The following GRINA variants were observed in gnomAD, a reference collection of about 807,000 sequenced individuals.
The protein encoded by GRINA is protein lifeguard 1.
Under a neutral mutation model 42.5 loss-of-function variants are expected in GRINA, and 26 were observed. That is an observed-to-expected ratio of 0.61 (90% confidence interval 0.45 to 0.85). The LOEUF (loss-of-function observed/expected upper bound fraction) is 0.85, where lower values mean the gene tolerates loss of function less well. Ranked by LOEUF, GRINA falls within the 40% of genes least tolerant of loss-of-function variation. The probability of loss-of-function intolerance (pLI) is 0.00; values close to 1 mark genes in which losing one functional copy is unlikely to be tolerated. For missense variants in GRINA, 475 were observed against 481.5 expected (o/e 0.99, Z 0.13); for synonymous variants, 256 against 204.2 (o/e 1.25, Z -2.17).
Position 143,991,695 on chromosome 8 carries a change from C to T in GRINA, c.383C>T (p.Pro128Leu), listed in dbSNP as rs1189893259. 2.5e-6 allele frequency: 4 copies of T among 1,611,406 alleles called. No individual in the cohort carries two copies. The highest frequency in any genetic ancestry group is 3.4e-6 in the Non-Finnish European group (4 of 1,177,850). Reference sequence around the variant, plus strand: ...ACCCAGCCTGTCTGCTTCTCAGCACCCCAGCATGGAAACTACCAGGAGGAG... The same window carrying T: ...ACCCAGCCTGTCTGCTTCTCAGCACTCCAGCATGGAAACTACCAGGAGGAG... Reference protein sequence around the residue: ...QVFPGQDPDSPQHGNYQEEGP... With the variant: ...QVFPGQDPDSLQHGNYQEEGP... The change falls in exon 3 of 7, where the codon CCC becomes CTC. Residue 128 changes from proline to leucine, a missense_variant. By Grantham distance (98) the Pro-to-Leu change is moderately conservative (BLOSUM62 -3). This residue lies in a region of GRINA where 321 missense variants were observed against 267.2 expected (regional missense o/e 1.20). Transcript: ENST00000395068.
chr8:143,991,217 C>G lies in GRINA; in HGVS notation c.-7C>G. ...TTCTCTAGGGGCGGACCGCGGAACC[C>G]GAGGCCATGTCCCATGAAAAGAGTT... On this transcript the variant is annotated 5_prime_UTR_variant, in exon 2 of 7. Coordinates refer to ENST00000395068, the MANE Select transcript of GRINA (RefSeq NM_001009184.2). 1 of 1,566,746 alleles carries G rather than the reference C, an allele frequency of 6.4e-7. No individual in the cohort carries two copies. Among genetic ancestry groups the G allele is most frequent in the South Asian group, 1.2e-5 (1 of 85,484 alleles).
chr8:143,992,367 C>T lies in GRINA; in HGVS notation c.816C>T (p.Ser272=). The part of the protein sequence containing the change: ...TAVCFTVVIF[S]MQTRYDFTSC... Reference sequence around the variant, plus strand: ...TCTGCTTCACCGTCGTCATCTTCTCCATGCAGGTGAGGGGCCTCCCGTGGC... The same window carrying T: ...TCTGCTTCACCGTCGTCATCTTCTCTATGCAGGTGAGGGGCCTCCCGTGGC... The change falls in exon 5 of 7, where the codon TCC becomes TCT. Residue 272 remains serine (S), a synonymous_variant. Coordinates refer to ENST00000395068, the MANE Select transcript of GRINA (RefSeq NM_001009184.2). 6.2e-7 allele frequency: 1 copy of T among 1,602,328 alleles called. No homozygotes were observed.
chr8:143,992,485 A>G lies in GRINA; in HGVS notation c.843A>G (p.Ser281=). ...TGCAGACCCGCTACGACTTCACCTC[A>G]TGCATGGGCGTGCTCCTGGTGAGCA... ...FSMQTRYDFT[S]CMGVLLVSMV... Residue 281 remains serine, a synonymous_variant, in exon 6 of 7, where the codon TCA becomes TCG. Transcript: ENST00000395068. 3.7e-6 allele frequency: 6 copies of G among 1,614,040 alleles called. No homozygotes were observed. The highest frequency in any genetic ancestry group is 5.1e-6 in the Non-Finnish European group (6 of 1,179,984).
At position 143,990,609 on chromosome 8, in the gene GRINA, A is replaced by C. The variant is rs1587466141; in HGVS notation, c.-25+410A>C. The stretch of plus-strand genomic sequence containing the variant: ...CACCCCGCTGTTCCCGGCGTACCCC[A>C]CTGGCAGGCACCGGCAGCCGATCCA... On this transcript the variant is annotated intron_variant, in intron 1 of 6. Transcript: ENST00000395068. The surrounding 1 kb of genome is among the most constrained non-coding windows in gnomAD (Gnocchi z 5.6). 1 of 141,532 alleles carries C rather than the reference A, an allele frequency of 7.1e-6. No individual in the cohort carries two copies. The highest frequency in any genetic ancestry group is 1.5e-5 in the Non-Finnish European group (1 of 65,064). The allele number at this position is 141,532 out of a possible 1,614,324, so 8.8% of individuals were successfully genotyped here. A position where few individuals can be genotyped will look rare whatever the true frequency, so the allele number is the denominator to read the frequency against.
Position 143,991,707 on chromosome 8 carries a change from A to T in GRINA, c.395A>T (p.Asn132Ile). The T allele has an allele frequency of 6.2e-7, 1 of 1,613,124 alleles. No homozygotes were observed. The highest frequency in any genetic ancestry group is 8.5e-7 in the Non-Finnish European group (1 of 1,179,238). ...GQDPDSPQHG[N>I]YQEEGPPSYY... ...TGCTTCTCAGCACCCCAGCATGGAA[A>T]CTACCAGGAGGAGGGTCCCCCATCC... Residue 132 changes from asparagine (N) to isoleucine (I), a missense_variant, in exon 3 of 7, where the codon AAC becomes ATC. Around this residue, in one of 2 missense-constraint regions of GRINA, gnomAD observed 321 missense variants for 267.2 expected, o/e 1.20. Transcript: ENST00000395068.
chr8:143,990,240 T>C lies in GRINA; in HGVS notation c.-25+41T>C, dbSNP rs1306290199. On this transcript the variant is annotated intron_variant, in intron 1 of 6. Coordinates refer to ENST00000395068, the MANE Select transcript of GRINA (RefSeq NM_001009184.2). The surrounding 1 kb of genome is among the most constrained non-coding windows in gnomAD (Gnocchi z 5.6). ...GAGCCCAGGAGCGCCTCTGACCCGC[T>C]GCGCCGCGCGGCCTGCCGCCCCCGC... 2 of 148,628 alleles carry C rather than the reference T, an allele frequency of 1.3e-5. No homozygotes were observed. Among genetic ancestry groups the C allele is most frequent in the African/African-American group, 2.5e-5 (1 of 40,758 alleles). 9.2% of individuals were successfully genotyped at this position (148,628 alleles called of 1,614,324 possible). A position where few individuals can be genotyped will look rare whatever the true frequency, so the allele number is the denominator to read the frequency against.
chr8:143,991,963 T>G lies in GRINA; in HGVS notation c.578T>G (p.Val193Gly), dbSNP rs782287409. 1 of 1,613,786 alleles carries G rather than the reference T, an allele frequency of 6.2e-7. No individual in the cohort carries two copies. Among genetic ancestry groups the G allele is most frequent in the South Asian group, 1.1e-5 (1 of 91,082 alleles). ...FTFVAEVKGF[V>G]RENVWTYYVS... ...TTTGTTGCGGAGGTGAAGGGCTTTG[T>G]CCGGGAGAATGTCTGGACCTACTAT... Residue 193 changes from valine to glycine, a missense_variant, in exon 4 of 7, where the codon GTC (valine) becomes GGC (glycine). Physicochemically the swap from Val to Gly is moderately radical, Grantham distance 109 (BLOSUM62 -3). Transcript: ENST00000395068.
chr8:143,992,634 G>A (rs782164474), intron 6 of GRINA, 26 bp downstream of exon 6: 2 of 1,614,078 alleles, frequency 1.2e-6, no homozygotes, highest in Non-Finnish European at 8.5e-7. Flanking sequence ...CCTTGGCCGG[G>A]GGCGGGATGC....
At position 143,991,412 on chromosome 8, in the gene GRINA, C is replaced by G. The variant is rs7814596; in HGVS notation, c.189C>G (p.Pro63=). ...GQPGYPHGPS[P]YPQGGYPQGP... is the part of the protein sequence containing the mutation. ...CAGGGTACCCCCATGGCCCCAGCCC[C>G]TACCCCCAAGGGGGCTACCCACAGG... Residue 63 remains proline (P), a synonymous_variant, in exon 2 of 7, where the codon CCC becomes CCG. Coordinates refer to ENST00000395068, the MANE Select transcript of GRINA (RefSeq NM_001009184.2). The G allele has an allele frequency of 1.5e-6, 2 of 1,309,898 alleles. No individual in the cohort carries two copies. The highest frequency in any genetic ancestry group is 1.5e-5 in the African/African-American group (1 of 67,114). The allele number at this position is 1,309,898 out of a possible 1,614,324, so 81.1% of individuals were successfully genotyped here. A position where few individuals can be genotyped will look rare whatever the true frequency, so the allele number is the denominator to read the frequency against.
At position 143,992,019 on chromosome 8, in the gene GRINA, A is replaced by G; in HGVS notation, c.634A>G (p.Ile212Val). Reference sequence around the variant, plus strand: ...CTATGCTGTCTTCTTCATCTCTCTCATCGTCCTCAGCTGTTGTGGGGACTT... The same window carrying G: ...CTATGCTGTCTTCTTCATCTCTCTCGTCGTCCTCAGCTGTTGTGGGGACTT... ...VSYAVFFISL[I>V]VLSCCGDFRR... Residue 212 changes from isoleucine (I) to valine (V), a missense_variant, in exon 4 of 7, where the codon ATC (isoleucine) becomes GTC (valine). This residue lies in a region of GRINA where 321 missense variants were observed against 267.2 expected (regional missense o/e 1.20). Transcript: ENST00000395068. 6.2e-7 allele frequency: 1 copy of G among 1,613,700 alleles called. No individual in the cohort carries two copies. The highest frequency in any genetic ancestry group is 1.3e-5 in the African/African-American group (1 of 74,950).
chr8:143,992,219 G>A (rs868994176), intron 4 of GRINA, 26 bp from the exon 5 acceptor site: 2 of 1,603,624 alleles, frequency 1.2e-6, no homozygotes, highest in Middle Eastern at 3.3e-4. Flanking sequence ...ACACACCCAA[G>A]GTCAGCCTGT....
chr8:143,991,193 T>C lies in GRINA; in HGVS notation c.-24-7T>C. 1 of 1,518,810 alleles carries C rather than the reference T, an allele frequency of 6.6e-7. No individual in the cohort carries two copies. Among genetic ancestry groups the C allele is most frequent in the Non-Finnish European group, 8.8e-7 (1 of 1,131,266 alleles). The allele number at this position is 1,518,810 out of a possible 1,614,324, so 94.1% of individuals were successfully genotyped here. The stretch of plus-strand genomic sequence containing the variant: ...CTGTTCCACTGTTCCTTGTCTGTCT[T>C]CTCTAGGGGCGGACCGCGGAACCCG... On this transcript the variant is annotated splice_polypyrimidine_tract_variant and splice_region_variant and intron_variant, in intron 1 of 6. Transcript: ENST00000395068.
Position 143,990,726 on chromosome 8 carries a change from A to G in GRINA, c.-24-474A>G, listed in dbSNP as rs2133061777. On this transcript the variant is annotated intron_variant, in intron 1 of 6. Coordinates refer to ENST00000395068, the MANE Select transcript of GRINA (RefSeq NM_001009184.2). The surrounding 1 kb of genome is among the most constrained non-coding windows in gnomAD (Gnocchi z 5.6). The stretch of plus-strand genomic sequence containing the variant: ...GGGCTCGGGCCTTTGTTGGTCACAG[A>G]TGGCCCGGGGATTTCCTGGGATAGA... 1 of 152,186 alleles carries G rather than the reference A, an allele frequency of 6.6e-6. No individual in the cohort carries two copies. Among genetic ancestry groups the G allele is most frequent in the African/African-American group, 2.4e-5 (1 of 41,508 alleles). 9.4% of individuals were successfully genotyped at this position (152,186 alleles called of 1,614,324 possible). A position where few individuals can be genotyped will look rare whatever the true frequency, so the allele number is the denominator to read the frequency against.
intron 4 of GRINA, 68 bp downstream of exon 4, chr8:143,992,146 G>T: frequency 6.2e-7 from 1 of 1,603,808 alleles, no homozygotes; most frequent in Non-Finnish European, 8.5e-7. Flanking sequence ...ACTCTTCCGG[G>T]CCTGGTCACC....
chr8:143,991,113 C>A, intron 1 of GRINA, 87 bp from the exon 2 acceptor site: 1 of 693,864 alleles, frequency 1.4e-6, no homozygotes, highest in Non-Finnish European at 2.4e-6. Context: ...CCCCTGGGTT[C>A]CCAGAAGCAG....
In GRINA at chr8:143,991,380, G is replaced by A. The variant is rs367896471; in HGVS notation, c.157G>A (p.Gly53Ser). 5.2e-6 allele frequency: 6 copies of A among 1,147,080 alleles called. No homozygotes were observed. Among genetic ancestry groups the A allele is most frequent in the Non-Finnish European group, 7.2e-6 (6 of 827,954 alleles). 71.1% of individuals were successfully genotyped at this position (1,147,080 alleles called of 1,614,324 possible). A position where few individuals can be genotyped will look rare whatever the true frequency, so the allele number is the denominator to read the frequency against. The change falls in exon 2 of 7, where the codon GGT (glycine) becomes AGT (serine). Residue 53 changes from glycine to serine, a missense_variant. This residue lies in a region of GRINA where 321 missense variants were observed against 267.2 expected (regional missense o/e 1.20). Coordinates refer to ENST00000395068, the MANE Select transcript of GRINA (RefSeq NM_001009184.2). Reference protein sequence around the residue: ...PQPPFQPSPYGQPGYPHGPSP... With the variant: ...PQPPFQPSPYSQPGYPHGPSP... The stretch of plus-strand genomic sequence containing the variant: ...GCCCCCTTTCCAGCCCTCCCCCTAC[G>A]GTCAGCCAGGGTACCCCCATGGCCC...
rs1465457555 is a variant in GRINA at position 143,990,118 on chromosome 8, G to T, written c.-106G>T. 1.3e-5 allele frequency: 2 copies of T among 151,244 alleles called. No homozygotes were observed. Among genetic ancestry groups the T allele is most frequent in the Non-Finnish European group, 3.0e-5 (2 of 67,748 alleles). The allele number at this position is 151,244 out of a possible 1,614,324, so 9.4% of individuals were successfully genotyped here. ...GCCCAGCTGAGCGGCCGCCGAGCGGGTGCGGGTGCGGGCGCATCGGCCATC... is the reference window on the plus strand; with the variant it reads ...GCCCAGCTGAGCGGCCGCCGAGCGGTTGCGGGTGCGGGCGCATCGGCCATC... On this transcript the variant is annotated 5_prime_UTR_variant, in exon 1 of 7. Coordinates refer to ENST00000395068, the MANE Select transcript of GRINA (RefSeq NM_001009184.2). This position sits in a 1 kb window ranked among gnomAD's most constrained non-coding sequence, Gnocchi z 5.6.
At chr8:143,992,177 G>A (rs1554750642) in intron 4 of GRINA, 68 bp from the exon 5 acceptor site, 1 of 1,602,278 alleles carries the variant, frequency 6.2e-7, no homozygotes, top group South Asian at 1.1e-5. Context: ...TTGTGCTCAT[G>A]AGGCAGGGGC....
Position 143,991,685 on chromosome 8 carries a change from T to C in GRINA, c.380-7T>C. The C allele has an allele frequency of 6.2e-7, 1 of 1,608,094 alleles. No individual in the cohort carries two copies. The highest frequency in any genetic ancestry group is 1.1e-5 in the South Asian group (1 of 90,972). On this transcript the variant is annotated splice_region_variant and splice_polypyrimidine_tract_variant and intron_variant, in intron 2 of 6. Transcript: ENST00000395068. ...AGTGGCGCTGACCCAGCCTGTCTGC[T>C]TCTCAGCACCCCAGCATGGAAACTA...
Sources: gnomAD v4.1 joint callset for allele counts on GRCh38, gnomAD v4.1.1 for gene constraint, gnomAD v4.1.1 regional missense constraint, Gnocchi (gnomAD v3.1) non-coding constraint, MANE v1.5 for transcripts, NCBI Gene and HGNC (gene_info 2026-07-23, HGNC 2026-07-21) for gene names.